Variants in CADM2 observed in about 807,000 individuals in gnomAD.
The protein encoded by CADM2 is cell adhesion molecule 2.
CADM2 carries 12 observed loss-of-function variants against 49.8 expected under a neutral mutation model. That is an observed-to-expected ratio of 0.24 (90% CI 0.15 to 0.39). The LOEUF (loss-of-function observed/expected upper bound fraction) is 0.39, where lower values mean the gene tolerates loss of function less well. Among genes scored for constraint, CADM2 ranks in the 10% least tolerant of loss-of-function variants. The pLI is 1.00. For missense variants in CADM2, 378 were observed against 492.3 expected (o/e 0.77, Z 2.20); for synonymous variants, 214 against 175.4 (o/e 1.22, Z -1.74).
intron 6 of CADM2, among the ~76,000 whole-genome samples, chr3:85,930,708 G>A (rs902093973): frequency 2.0e-5 from 3 of 151,882 alleles, no homozygotes; most frequent in African/African-American, 7.2e-5. Context: ...AACATGTGAT[G>A]TTTGTGTTTC....
intron 1 of CADM2, among the ~76,000 whole-genome samples, chr3:85,469,318 G>T (rs1472407954): frequency 2.6e-5 from 4 of 152,138 alleles, no homozygotes; most frequent in African/African-American, 9.7e-5. Flanking sequence ...AATGGCACCT[G>T]GGAAACAGGA....
intron 3 of CADM2, among the ~76,000 whole-genome samples, chr3:85,859,484 G>T (rs2075443352): frequency 1.3e-5 from 2 of 151,986 alleles, no homozygotes; most frequent in Admixed American, 1.3e-4. Context: ...CACCTGTCTT[G>T]GCGTCCCAAA....
chr3:85,376,878 A>G (rs566492361), intron 1 of CADM2, among the ~76,000 whole-genome samples: 2 of 152,262 alleles, frequency 1.3e-5, no homozygotes, highest in African/African-American at 4.8e-5. Context: ...ACGGTTTTCA[A>G]TGAACTAAAA....
At chr3:85,705,978 A>G (rs1371638032) in intron 1 of CADM2, among the ~76,000 whole-genome samples, 1 of 152,202 alleles carries the variant, frequency 6.6e-6, no homozygotes, top group Non-Finnish European at 1.5e-5. Flanking sequence ...GTACACTAAC[A>G]TTTAGTATGA....
chr3:85,902,063 CTTTTA>C (rs1015727733), intron 5 of CADM2, among the ~76,000 whole-genome samples: 18 of 151,860 alleles, frequency 1.2e-4, no homozygotes, highest in African/African-American at 3.9e-4. Context: ...TGCTTTGGGG[CTTTTA>C]TTTTAAAACT....
chr3:85,616,610 A>G (rs1045090558), intron 1 of CADM2, among the ~76,000 whole-genome samples: 1 of 152,148 alleles, frequency 6.6e-6, no homozygotes, highest in Non-Finnish European at 1.5e-5. Flanking sequence ...ATCCATGTCT[A>G]TGTGACCAAA....
chr3:84,960,697 T>C (rs938872605), intron 1 of CADM2, among the ~76,000 whole-genome samples: 1 of 152,196 alleles, frequency 6.6e-6, no homozygotes, highest in African/African-American at 2.4e-5. Context: ...TGGGTTTGGA[T>C]GCCGGATGGC....
At chr3:85,966,528 T>G (rs1298741055) in intron 8 of CADM2, among the ~76,000 whole-genome samples, 1 of 151,698 alleles carries the variant, frequency 6.6e-6, no homozygotes, top group Admixed American at 6.6e-5. Flanking sequence ...TTGCTATCAT[T>G]TAGAATGAAA....
chr3:85,699,155 G>A (rs554752764), intron 1 of CADM2, among the ~76,000 whole-genome samples: 67 of 152,088 alleles, frequency 4.4e-4, no homozygotes, highest in Non-Finnish European at 6.9e-4. Context: ...TCCATGACAC[G>A]CTGGTGCAAG....
chr3:85,748,155 T>G (rs1177432839), intron 2 of CADM2, among the ~76,000 whole-genome samples: 22 of 152,058 alleles, frequency 1.4e-4, no homozygotes, highest in Non-Finnish European at 5.9e-5. Flanking sequence ...AAAAAGAAGA[T>G]TATGTAGATT....
rs895760227 is a variant in CADM2, at chr3:85,877,329, A to G, written c.239-5962A>G. On this transcript the variant is annotated intron_variant, in intron 3 of 9. Coordinates refer to ENST00000383699, the MANE Select transcript of CADM2 (RefSeq NM_001167675.2). ...AATAAAATGTTTGAGTTTTTAGTTT[A>G]TTATTGAAAAGGACATTCAGGTAAT... Among the ~76,000 whole-genome samples the G allele has an allele frequency of 2.6e-5, 4 of 152,018 alleles. No individual in the cohort carries two copies. The South Asian group carries it at 6.2e-4, about 24-fold the overall frequency.
At chr3:85,440,868 G>T (rs2037168955) in intron 1 of CADM2, among the ~76,000 whole-genome samples, 1 of 152,090 alleles carries the variant, frequency 6.6e-6, no homozygotes, top group Admixed American at 6.6e-5. Flanking sequence ...TGTAATCCCA[G>T]TTATTTACGA....
At chr3:86,016,851 A>G (rs1346020215) in intron 8 of CADM2, among the ~76,000 whole-genome samples, 1 of 152,190 alleles carries the variant, frequency 6.6e-6, no homozygotes, top group Non-Finnish European at 1.5e-5. Context: ...GAAAACAGAA[A>G]TTACTAAGGA....
chr3:85,135,843 G>T lies in CADM2; in HGVS notation c.61+176175G>T, dbSNP rs185364880. The stretch of plus-strand genomic sequence containing the variant: ...ATATCTATTAGAGAGCCGTAGTATT[G>T]AATTTAGCTCTCTGAGTTCAAAGCA... On this transcript the variant is annotated intron_variant, in intron 1 of 9. Transcript: ENST00000383699. Among the ~76,000 whole-genome samples, 68 of 152,068 alleles carry T rather than the reference G, an allele frequency of 4.5e-4. 1 individual carries two copies. Among genetic ancestry groups the T allele is most frequent in the African/African-American group, 1.5e-3 (63 of 41,540 alleles).
chr3:85,726,933 T>C (rs921866360), intron 2 of CADM2, among the ~76,000 whole-genome samples: 2 of 152,056 alleles, frequency 1.3e-5, no homozygotes, highest in African/African-American at 2.4e-5. Flanking sequence ...TTTTATAGAA[T>C]TATGTGAAAA....
chr3:85,942,708 C>A (rs1446875520), intron 7 of CADM2, among the ~76,000 whole-genome samples: 4 of 151,808 alleles, frequency 2.6e-5, no homozygotes, highest in African/African-American at 7.3e-5. Flanking sequence ...TGTATATGTG[C>A]CACATTTTCT....
rs376111410 is a variant in CADM2 at position 86,055,115 on chromosome 3, C to A, written c.971-10490C>A. Among the ~76,000 whole-genome samples, 70 of 152,184 alleles carry A rather than the reference C, an allele frequency of 4.6e-4. 2 individuals are homozygous for A. The South Asian group carries it at 0.014, about 30-fold the overall frequency. ...TATATTTTTTTCTGATAAAAGCAACCCCAAACTAGAAAATGCAGGCTTGTT... is the reference window on the plus strand; with the variant it reads ...TATATTTTTTTCTGATAAAAGCAACACCAAACTAGAAAATGCAGGCTTGTT... On this transcript the variant is annotated intron_variant, in intron 8 of 9. Transcript: ENST00000383699.
intron 2 of CADM2, among the ~76,000 whole-genome samples, chr3:85,795,344 A>G (rs1019253602): frequency 2.0e-5 from 3 of 152,162 alleles, no homozygotes; most frequent in African/African-American, 7.2e-5. Flanking sequence ...GAGACTTTTG[A>G]CTATCTACAA....
intron 5 of CADM2, 123 bp from the exon 6 acceptor site, chr3:85,912,250 C>A: frequency 1.5e-6 from 1 of 654,094 alleles, no homozygotes; most frequent in Admixed American, 3.2e-5. Context: ...ATGTTAAAAT[C>A]ACAAATATTT....
Sources: gnomAD v4.1 joint callset for allele counts (sites outside exome capture counted in the v4.1 genomes callset) on GRCh38, gnomAD v4.1.1 for gene constraint, MANE v1.5 for transcripts, NCBI Gene and HGNC (gene_info 2026-07-23, HGNC 2026-07-21) for gene names.